Variants in SPAG16 observed in about 807,000 individuals in gnomAD.
SPAG16 encodes the protein sperm associated antigen 16.
A neutral mutation model predicts 80.4 loss-of-function variants in SPAG16; 86 were observed. That is an observed-to-expected ratio of 1.07 (90% CI 0.90 to 1.28). SPAG16 has a LOEUF of 1.28. Among genes scored for constraint, SPAG16 ranks in the 50% most tolerant of loss-of-function variants. The probability of loss-of-function intolerance (pLI) is 0.00; values close to 1 mark genes in which losing one functional copy is unlikely to be tolerated. For synonymous variants in SPAG16, 294 were observed against 265.9 expected, an observed-to-expected ratio of 1.11 and a Z score of -1.03; for missense variants, 870 against 765.3, an observed-to-expected ratio of 1.14 and a Z score of -1.61.
chr2:214,279,800 G>C, intron 15 of SPAG16, among the ~76,000 whole-genome samples: 1 of 152,110 alleles, frequency 6.6e-6, no homozygotes, highest in Non-Finnish European at 1.5e-5. Context: ...AATTTTAAAA[G>C]ATTCAACTCA....
chr2:214,248,706 T>C (rs1690035885), intron 15 of SPAG16, among the ~76,000 whole-genome samples: 1 of 152,004 alleles, frequency 6.6e-6, no homozygotes. Context: ...GATGGTGGGA[T>C]AAGATAATAA....
chr2:213,849,665 G>A (rs2074808285), intron 10 of SPAG16, among the ~76,000 whole-genome samples: 1 of 151,988 alleles, frequency 6.6e-6, no homozygotes, highest in South Asian at 2.1e-4. Context: ...AATTCTTCCA[G>A]TTATTTCTAG....
intron 15 of SPAG16, among the ~76,000 whole-genome samples, chr2:214,280,012 T>A (rs1692794552): frequency 6.6e-6 from 1 of 152,174 alleles, no homozygotes; most frequent in Non-Finnish European, 1.5e-5. Context: ...TATGCTGACA[T>A]TACTGAAGAA....
intron 5 of SPAG16, among the ~76,000 whole-genome samples, chr2:213,323,334 G>A (rs913731968): frequency 3.9e-5 from 6 of 152,046 alleles, no homozygotes; most frequent in Non-Finnish European, 1.5e-5. Context: ...CCAGCTACTC[G>A]GGAGGCTGAG....
chr2:214,163,404 A>G (rs902597503), intron 15 of SPAG16, among the ~76,000 whole-genome samples: 1 of 151,642 alleles, frequency 6.6e-6, no homozygotes, highest in Non-Finnish European at 1.5e-5. Context: ...TGAGATGGTT[A>G]ATTTACTCAT....
chr2:214,282,528 T>C (rs765917409), intron 15 of SPAG16, among the ~76,000 whole-genome samples: 5 of 152,180 alleles, frequency 3.3e-5, no homozygotes, highest in Admixed American at 6.5e-5. Flanking sequence ...GGGAATTGCA[T>C]TATTTCCTAG....
intron 9 of SPAG16, among the ~76,000 whole-genome samples, chr2:213,459,558 G>T (rs1186905407): frequency 6.6e-6 from 1 of 152,180 alleles, no homozygotes; most frequent in East Asian, 1.9e-4. Context: ...AGCCCTCAGA[G>T]TCTCAATCCA....
At chr2:213,423,911 C>A (rs1054089479) in intron 9 of SPAG16, among the ~76,000 whole-genome samples, 1 of 152,146 alleles carries the variant, frequency 6.6e-6, no homozygotes, top group Non-Finnish European at 1.5e-5. Flanking sequence ...TGGGTGAAAA[C>A]TAGTATTATC....
At chr2:214,212,877 C>T (rs956474805) in intron 15 of SPAG16, among the ~76,000 whole-genome samples, 1 of 152,370 alleles carries the variant, frequency 6.6e-6, no homozygotes, top group Non-Finnish European at 1.5e-5. Context: ...TGAAATGCCA[C>T]ATCTCTGTGC....
At chr2:214,018,780 C>T (rs115194095) in intron 13 of SPAG16, among the ~76,000 whole-genome samples, 2,354 of 152,102 alleles carry the variant, frequency 0.015, 59 homozygotes, top group African/African-American at 0.054. Flanking sequence ...GTGAAAATGA[C>T]CAGTGGATTA....
chr2:213,905,949 T>A (rs1320701428), intron 11 of SPAG16, among the ~76,000 whole-genome samples: 1 of 152,206 alleles, frequency 6.6e-6, no homozygotes, highest in East Asian at 1.9e-4. Context: ...CACAGGAAGA[T>A]GCTGGGTTGA....
chr2:213,322,538 C>G (rs1048162793), intron 5 of SPAG16, among the ~76,000 whole-genome samples: 1 of 152,032 alleles, frequency 6.6e-6, no homozygotes, highest in African/African-American at 2.4e-5. Flanking sequence ...TTCCTATCTT[C>G]CCTTAGCATC....
intron 10 of SPAG16, among the ~76,000 whole-genome samples, chr2:213,743,470 CTTA>C (rs1229137362): frequency 6.6e-6 from 1 of 151,988 alleles, no homozygotes; most frequent in African/African-American, 2.4e-5. Flanking sequence ...GATGTGCTCC[CTTA>C]TTTTTTCCCT....
chr2:214,307,035 G>T (rs1273326823), intron 15 of SPAG16, among the ~76,000 whole-genome samples: 1 of 151,952 alleles, frequency 6.6e-6, no homozygotes, highest in Non-Finnish European at 1.5e-5. Flanking sequence ...TGGTTAGTAG[G>T]TTATTTATTG....
intron 15 of SPAG16, among the ~76,000 whole-genome samples, chr2:214,299,522 C>T (rs1341542874): frequency 6.6e-6 from 1 of 152,114 alleles, no homozygotes; most frequent in African/African-American, 2.4e-5. Flanking sequence ...GCTGGGATTA[C>T]AGGCATGAGC....
intron 9 of SPAG16, among the ~76,000 whole-genome samples, chr2:213,462,515 A>G (rs888755346): frequency 6.6e-6 from 1 of 152,056 alleles, no homozygotes; most frequent in Admixed American, 6.5e-5. Flanking sequence ...CGAATTATAA[A>G]CCCCATAATC....
At chr2:213,591,359 C>A (rs1281219041) in intron 10 of SPAG16, among the ~76,000 whole-genome samples, 1 of 152,054 alleles carries the variant, frequency 6.6e-6, no homozygotes, top group Non-Finnish European at 1.5e-5. Context: ...TTTGTTCTTG[C>A]TAACATCAAT....
intron 10 of SPAG16, among the ~76,000 whole-genome samples, chr2:213,704,003 A>G (rs1417907430): frequency 6.6e-6 from 1 of 152,168 alleles, no homozygotes; most frequent in African/African-American, 2.4e-5. Context: ...CTACTTATTG[A>G]GAGTGTTCTC....
At chr2:214,292,358 C>T (rs577320047) in intron 15 of SPAG16, among the ~76,000 whole-genome samples, 82 of 152,160 alleles carry the variant, frequency 5.4e-4, no homozygotes, top group African/African-American at 1.7e-3. Flanking sequence ...CTTGTTTTCT[C>T]TTCACCCTCA....
Sources: allele counts gnomAD v4.1 joint callset (sites outside exome capture counted in the v4.1 genomes callset), GRCh38; gene constraint gnomAD v4.1.1; transcripts MANE v1.5; gene names NCBI Gene and HGNC (gene_info 2026-07-23, HGNC 2026-07-21).